Variants in ACOX3 observed in about 807,000 individuals in gnomAD.
ACOX3 encodes the protein acyl-CoA oxidase 3, pristanoyl.
In ACOX3, 73 loss-of-function variants were observed where a neutral mutation model predicts 81.5. That is an observed-to-expected ratio of 0.90 (90% CI 0.74 to 1.09). The LOEUF (loss-of-function observed/expected upper bound fraction) is 1.09. Among genes scored for constraint, ACOX3 ranks in the 50% least tolerant of loss-of-function variants. ACOX3 has a pLI of 0.00. For missense variants in ACOX3, 947 were observed against 928.0 expected (o/e 1.02, Z -0.27); for synonymous variants, 387 against 375.1 (o/e 1.03, Z -0.37).
chr4:8,379,993 A>C (rs960440851), intron 14 of ACOX3, among the ~76,000 whole-genome samples: 7 of 152,138 alleles, frequency 4.6e-5, no homozygotes, highest in African/African-American at 1.7e-4. Context: ...AGGAGGGAGC[A>C]GTGGAAGCTG....
At chr4:8,438,931 C>T (rs1386708241) in intron 1 of ACOX3, 1 of 152,232 alleles carries the variant, frequency 6.6e-6, no homozygotes, top group Non-Finnish European at 1.5e-5. Flanking sequence ...ACTCCGGAGG[C>T]TGACCAGTCT....
Position 8,432,358 on chromosome 4 carries a change from C to T in ACOX3, c.-15+8290G>A, listed in dbSNP as rs1724004143. Among the ~76,000 whole-genome samples the T allele has an allele frequency of 1.3e-5, 2 of 151,904 alleles. No individual in the cohort carries two copies. The highest frequency in any genetic ancestry group is 2.4e-5 in the African/African-American group (1 of 41,332). ...AAGCCATTCTCCTGCCTTAGCCTCC[C>T]GAGTAGCTGGGACTACAGGCGCCCA... On this transcript the variant is annotated intron_variant, in intron 1 of 17. Transcript: ENST00000356406. This position sits in a 1 kb window ranked among gnomAD's most constrained non-coding sequence, Gnocchi z 6.2.
intron 14 of ACOX3, among the ~76,000 whole-genome samples, chr4:8,378,985 C>T (rs893639386): frequency 6.6e-6 from 1 of 152,170 alleles, no homozygotes; most frequent in Non-Finnish European, 1.5e-5. Flanking sequence ...GGCCCTGGCT[C>T]CAGGTCAGTG....
At chr4:8,426,365 CA>C (rs888650456) in intron 1 of ACOX3, among the ~76,000 whole-genome samples, 1 of 152,058 alleles carries the variant, frequency 6.6e-6, no homozygotes, top group Non-Finnish European at 1.5e-5. Context: ...TTAGACACAT[CA>C]AACCCTGGAT....
intron 13 of ACOX3, among the ~76,000 whole-genome samples, chr4:8,388,063 C>T (rs1030632299): frequency 3.3e-5 from 5 of 152,254 alleles, no homozygotes; most frequent in Admixed American, 6.5e-5. Context: ...AGCAGGGGAA[C>T]GAGATGCATG....
chr4:8,370,984 T>A lies in ACOX3; in HGVS notation c.1907A>T (p.Asp636Val). The change falls in exon 17 of 18, where the codon GAT (aspartate) becomes GTT (valine). Residue 636 changes from aspartate (D) to valine (V), a missense_variant. Transcript: ENST00000356406. The surrounding 1 kb of genome is among the most constrained non-coding windows in gnomAD (Gnocchi z 6.3). ...VLALCSQLKDDAVALVDVIAP... is the reference protein window; with the variant it reads ...VLALCSQLKDVAVALVDVIAP... ...GATCACGTCTACCAGGGCAACTGCA[T>A]CGTCTTTCAGCTGTTGGAAAACAAA... The A allele has an allele frequency of 2.5e-6, 4 of 1,614,096 alleles. No individual in the cohort carries two copies. The South Asian group carries it at 3.3e-5, about 13-fold the overall frequency.
downstream of ACOX3, among the ~76,000 whole-genome samples, chr4:8,361,398 C>G (rs1715230562): frequency 8.4e-6 from 1 of 119,136 alleles, no homozygotes; most frequent in African/African-American, 3.3e-5. Flanking sequence ...TGCACTCCAG[C>G]CTGGGTGACA....
intron 1 of ACOX3, among the ~76,000 whole-genome samples, chr4:8,425,177 G>A (rs758688520): frequency 2.0e-5 from 3 of 152,098 alleles, no homozygotes; most frequent in South Asian, 2.1e-4. Flanking sequence ...TTACACTGCC[G>A]GGGTGATCAG....
In ACOX3 at chr4:8,414,742, G is replaced by A; in HGVS notation, c.453+112C>T. ...GAAGCCTGAGAACACTAGGAAACAA[G>A]AAGAGCATAAGCCCCCTGGGCACCC... On this transcript the variant is annotated intron_variant, in intron 4 of 17. Coordinates refer to ENST00000356406, the MANE Select transcript of ACOX3 (RefSeq NM_003501.3). This position sits in a 1 kb window ranked among gnomAD's most constrained non-coding sequence, Gnocchi z 6.1. The A allele has an allele frequency of 2.9e-6, 3 of 1,040,644 alleles. No individual in the cohort carries two copies. The highest frequency in any genetic ancestry group is 2.9e-6 in the Non-Finnish European group (2 of 678,736). 64.5% of individuals were successfully genotyped at this position (1,040,644 alleles called of 1,614,324 possible). A position where few individuals can be genotyped will look rare whatever the true frequency, so the allele number is the denominator to read the frequency against.
chr4:8,437,637 C>T lies in ACOX3; in HGVS notation c.-15+3011G>A, dbSNP rs771504289. Among the ~76,000 whole-genome samples, 2 of 152,122 alleles carry T rather than the reference C, an allele frequency of 1.3e-5. No individual in the cohort carries two copies. Among genetic ancestry groups the T allele is most frequent in the African/African-American group, 2.4e-5 (1 of 41,402 alleles). On this transcript the variant is annotated intron_variant, in intron 1 of 17. Transcript: ENST00000356406. The surrounding 1 kb of genome is among the most constrained non-coding windows in gnomAD (Gnocchi z 5.2). ...GAGAGGACGTGGACACGGATGTAGA[C>T]GTGGAAGAAGTCAAGTTAGGCAAGG...
rs186449159 is a variant in ACOX3, at chr4:8,394,155, C to G, written c.1179+465G>C. 6.6e-6 allele frequency among the ~76,000 whole-genome samples: 1 copy of G among 152,320 alleles called. No individual in the cohort carries two copies. The highest frequency in any genetic ancestry group is 1.9e-4 in the East Asian group (1 of 5,176). On this transcript the variant is annotated intron_variant, in intron 10 of 17. Transcript: ENST00000356406. This position sits in a 1 kb window ranked among gnomAD's most constrained non-coding sequence, Gnocchi z 5.9. ...TGGAAAATCAGTTCATAATCATCTA[C>G]AAAGAAATCCGTTCCCGATGTCTCT...
In ACOX3 at chr4:8,400,482, A is replaced by G. The variant is rs914105432; in HGVS notation, c.777-830T>C. ...CAAACAAAATAACTGGTGTGATGGC[A>G]TTGGTGCTCCCTCGGCAAGGAAATT... On this transcript the variant is annotated intron_variant, in intron 7 of 17. Transcript: ENST00000356406. The surrounding 1 kb of genome is among the most constrained non-coding windows in gnomAD (Gnocchi z 4.4). Among the ~76,000 whole-genome samples the G allele has an allele frequency of 6.6e-6, 1 of 152,178 alleles. No homozygotes were observed. The highest frequency in any genetic ancestry group is 2.4e-5 in the African/African-American group (1 of 41,438).
At chr4:8,361,737 C>T (rs1268816789), downstream of ACOX3, among the ~76,000 whole-genome samples, 1 of 152,156 alleles carries the variant, frequency 6.6e-6, no homozygotes, top group African/African-American at 2.4e-5. Context: ...AGTTTGAACA[C>T]ATTTGTCTAT....
At chr4:8,417,249 C>A (rs767951318) in intron 1 of ACOX3, among the ~76,000 whole-genome samples, 1 of 152,234 alleles carries the variant, frequency 6.6e-6, no homozygotes. Flanking sequence ...GAGTCCTGGG[C>A]GTGGGCCGCC....
At chr4:8,374,085 C>T (rs1316120857) in intron 15 of ACOX3, 2 of 201,844 alleles carry the variant, frequency 9.9e-6, no homozygotes, top group African/African-American at 4.7e-5. Flanking sequence ...GACTCAGAGG[C>T]CGCAGGGGGA....
intron 7 of ACOX3, among the ~76,000 whole-genome samples, chr4:8,403,408 G>A (rs1720576513): frequency 6.6e-6 from 1 of 152,148 alleles, no homozygotes; most frequent in African/African-American, 2.4e-5. Context: ...TTCTGGAAAG[G>A]GGCGGAGAGC....
chr4:8,376,736 G>C (rs1422323439), intron 14 of ACOX3, among the ~76,000 whole-genome samples: 1 of 152,188 alleles, frequency 6.6e-6, no homozygotes, highest in Non-Finnish European at 1.5e-5. Flanking sequence ...GGGCCTTGGG[G>C]CTTCCTGCCC....
chr4:8,375,876 T>C (rs1282941338), intron 14 of ACOX3, among the ~76,000 whole-genome samples: 1 of 152,244 alleles, frequency 6.6e-6, no homozygotes, highest in African/African-American at 2.4e-5. Flanking sequence ...CGGTATCCCA[T>C]GGTGTCTATG....
At chr4:8,396,679 G>GAAAAAAAAAAAAAAAAAAAAAAAA (rs531424752) in intron 9 of ACOX3, among the ~76,000 whole-genome samples, 1 of 100,688 alleles carries the variant, frequency 9.9e-6, no homozygotes. Flanking sequence ...CTCCGTCTGG[G>GAAAAAAAAAAAAAAAAAAAAAAAA]AAAAAAAAAA....
Sources: gnomAD v4.1 joint callset for allele counts (sites outside exome capture counted in the v4.1 genomes callset) on GRCh38, gnomAD v4.1.1 for gene constraint, Gnocchi (gnomAD v3.1) non-coding constraint, MANE v1.5 for transcripts, NCBI Gene and HGNC (gene_info 2026-07-23, HGNC 2026-07-21) for gene names.